CLNK: variants seen among roughly 807,000 people sequenced by gnomAD.
CLNK encodes the protein cytokine-dependent hematopoietic cell linker.
In CLNK, 74 loss-of-function variants were observed where a neutral mutation model predicts 68.6. The ratio of observed to expected loss-of-function variants is 1.08; its 90% CI spans 0.89 to 1.31. CLNK has a LOEUF of 1.31. Ranked by LOEUF, CLNK falls within the 50% of genes most tolerant of loss-of-function variation. The pLI, the probability that CLNK is intolerant of heterozygous loss-of-function variation, is 0.00. For synonymous variants in CLNK, 198 were observed against 172.2 expected, an observed-to-expected ratio of 1.15 and a Z score of -1.17; for missense variants, 553 against 515.3, an observed-to-expected ratio of 1.07 and a Z score of -0.71.
Position 10,486,643 on chromosome 4 carries a change from A to G in CLNK, c.*3824T>C, listed in dbSNP as rs956516757. On this transcript the variant is annotated 3_prime_UTR_variant, in exon 19 of 19. Coordinates refer to ENST00000226951, the MANE Select transcript of CLNK (RefSeq NM_052964.4). ...ACAGGAGACTTAACTGATTACAGCC[A>G]TGATGCGGTTACTTAAAAACACACA... 1 of 152,166 alleles carries G rather than the reference A, an allele frequency of 6.6e-6. No individual in the cohort carries two copies. Among genetic ancestry groups the G allele is most frequent in the African/African-American group, 2.4e-5 (1 of 41,446 alleles). 9.4% of individuals were successfully genotyped at this position (152,166 alleles called of 1,614,324 possible).
chr4:10,610,030 CTCGTTTTTTTTT>C lies in CLNK; in HGVS notation c.12-11993_12-11982del, dbSNP rs1560240487. Among the ~76,000 whole-genome samples the C allele has an allele frequency of 8.5e-4, 108 of 126,502 alleles. 5 individuals are homozygous for C. The highest frequency in any genetic ancestry group is 3.1e-3 in the African/African-American group (101 of 32,534). 83.0% of individuals were successfully genotyped at this position (126,502 alleles called of 152,430 possible). A position where few individuals can be genotyped will look rare whatever the true frequency, so the allele number is the denominator to read the frequency against. ...TCGTTATGTGCCTTTTAAATGAATGCTCGTTTTTTTTTTTTTTTTTTTTTTTTTTTTTTTTTT... is the reference window on the plus strand; with the variant it reads ...TCGTTATGTGCCTTTTAAATGAATGCTTTTTTTTTTTTTTTTTTTTTTTTT... On this transcript the variant is annotated intron_variant, in intron 2 of 18. Coordinates refer to ENST00000226951, the MANE Select transcript of CLNK (RefSeq NM_052964.4).
At chr4:10,495,419 T>G (rs2109019136) in intron 18 of CLNK, among the ~76,000 whole-genome samples, 1 of 152,300 alleles carries the variant, frequency 6.6e-6, no homozygotes, top group South Asian at 2.1e-4. Context: ...TCGGCACAGG[T>G]GCACAGGGTA....
At chr4:10,667,317 A>G (rs1272491722) in intron 2 of CLNK, among the ~76,000 whole-genome samples, 1 of 151,746 alleles carries the variant, frequency 6.6e-6, no homozygotes, top group Non-Finnish European at 1.5e-5. Context: ...AACTTTGCCA[A>G]TTTCAAAGTC....
At chr4:10,668,089 G>A (rs1357984248) in intron 1 of CLNK, among the ~76,000 whole-genome samples, 178 bp from the exon 2 acceptor site, 1 of 152,142 alleles carries the variant, frequency 6.6e-6, no homozygotes, top group Admixed American at 6.5e-5. Context: ...GTTGGGGAGG[G>A]GATTTCTTTC....
intron 12 of CLNK, among the ~76,000 whole-genome samples, chr4:10,529,181 T>C (rs1718433488): frequency 6.6e-6 from 1 of 152,246 alleles, no homozygotes; most frequent in South Asian, 2.1e-4. Flanking sequence ...TTGAATGGCC[T>C]GATGGGGTCC....
chr4:10,539,315 C>T (rs768980203), intron 11 of CLNK, among the ~76,000 whole-genome samples: 65 of 152,118 alleles, frequency 4.3e-4, no homozygotes, highest in Non-Finnish European at 6.5e-4. Context: ...AAGAGACATT[C>T]GCCACAGAAG....
chr4:10,601,591 C>CT (rs1401685069), intron 2 of CLNK, among the ~76,000 whole-genome samples: 7 of 152,126 alleles, frequency 4.6e-5, no homozygotes, highest in Non-Finnish European at 7.4e-5. Context: ...GAATGTTAAG[C>CT]ATAATAGGGC....
At chr4:10,696,207 C>A in the CLNK span, among the ~76,000 whole-genome samples, 3 of 152,146 alleles carry the variant, frequency 2.0e-5, no homozygotes, top group African/African-American at 7.2e-5. Flanking sequence ...AGTCTGGAAT[C>A]TGTATCAGAT....
the CLNK span, among the ~76,000 whole-genome samples, chr4:10,718,162 G>T: frequency 6.6e-6 from 1 of 152,152 alleles, no homozygotes; most frequent in Non-Finnish European, 1.5e-5. Flanking sequence ...TGAACTGGAA[G>T]TAGAACAATT....
intron 2 of CLNK, among the ~76,000 whole-genome samples, chr4:10,603,369 G>T (rs1355506259): frequency 6.6e-6 from 1 of 152,086 alleles, no homozygotes; most frequent in African/African-American, 2.4e-5. Context: ...CACCTAACTG[G>T]TCATTGTTTG....
chr4:10,611,970 C>G (rs1469641078), intron 2 of CLNK, among the ~76,000 whole-genome samples: 1 of 152,180 alleles, frequency 6.6e-6, no homozygotes, highest in Non-Finnish European at 1.5e-5. Flanking sequence ...CCCCAAAGAG[C>G]AGCCATCATG....
intron 15 of CLNK, among the ~76,000 whole-genome samples, chr4:10,517,776 C>T (rs1354054502): frequency 6.6e-6 from 1 of 152,080 alleles, no homozygotes; most frequent in Non-Finnish European, 1.5e-5. Flanking sequence ...TAAAAGTCCT[C>T]CTTGAAAAAG....
chr4:10,507,436 T>A (rs548863280), intron 17 of CLNK, among the ~76,000 whole-genome samples: 3 of 142,908 alleles, frequency 2.1e-5, no homozygotes, highest in East Asian at 2.1e-4. Flanking sequence ...TGTTTTCTGT[T>A]TTTATTTATT....
At chr4:10,537,062 T>A (rs1448930442) in intron 11 of CLNK, among the ~76,000 whole-genome samples, 5 of 152,180 alleles carry the variant, frequency 3.3e-5, no homozygotes, top group Non-Finnish European at 7.3e-5. Flanking sequence ...GGGGGAGCCT[T>A]AAAAATTCTG....
intron 4 of CLNK, among the ~76,000 whole-genome samples, chr4:10,583,205 G>C (rs940416516): frequency 2.6e-5 from 4 of 152,136 alleles, no homozygotes; most frequent in Non-Finnish European, 4.4e-5. Context: ...CATTTGTAGT[G>C]GTTCATAAGT....
intron 2 of CLNK, among the ~76,000 whole-genome samples, chr4:10,658,436 A>G (rs921645503): frequency 6.6e-6 from 1 of 152,148 alleles, no homozygotes; most frequent in East Asian, 1.9e-4. Flanking sequence ...GCTTAAAACG[A>G]CGGTTTGTTT....
chr4:10,526,586 T>C (rs181622343), intron 13 of CLNK, among the ~76,000 whole-genome samples: 1 of 152,196 alleles, frequency 6.6e-6, no homozygotes, highest in Admixed American at 6.5e-5. Flanking sequence ...ATGGAGGAGA[T>C]TGGGGTGCAC....
chr4:10,581,856 G>C (rs1720796860), intron 4 of CLNK, among the ~76,000 whole-genome samples: 1 of 152,026 alleles, frequency 6.6e-6, no homozygotes, highest in Admixed American at 6.5e-5. Context: ...TTCTTGGTGG[G>C]AACAGTCTGG....
intron 3 of CLNK, among the ~76,000 whole-genome samples, chr4:10,588,259 C>T (rs575220589): frequency 2.4e-4 from 36 of 152,314 alleles, no homozygotes; most frequent in Non-Finnish European, 4.3e-4. Flanking sequence ...CCAGAAGGAA[C>T]TTTGACTTCT....
Sources: gnomAD v4.1 joint callset for allele counts (sites outside exome capture counted in the v4.1 genomes callset) on GRCh38, gnomAD v4.1.1 for gene constraint, MANE v1.5 for transcripts, NCBI Gene and HGNC (gene_info 2026-07-23, HGNC 2026-07-21) for gene names.